Variants in GABRB1 observed in about 807,000 individuals in gnomAD.
GABRB1 encodes gamma-aminobutyric acid receptor subunit beta-1.
In GABRB1, 17 loss-of-function variants were observed where a neutral mutation model predicts 51.6. The ratio of observed to expected loss-of-function variants is 0.33; its 90% CI spans 0.23 to 0.49. The LOEUF is 0.49. GABRB1 is among the 20% of genes least tolerant of loss of function. The pLI, the probability that GABRB1 is intolerant of heterozygous loss-of-function variation, is 0.99. For synonymous variants in GABRB1, 247 were observed against 218.9 expected, an observed-to-expected ratio of 1.13 and a Z score of -1.14; for missense variants, 410 against 600.6, an observed-to-expected ratio of 0.68 and a Z score of 3.32.
rs149128774 is a variant in GABRB1, at chr4:47,187,584, A to C, written c.461+26115A>C. On this transcript the variant is annotated intron_variant, in intron 4 of 8. Transcript: ENST00000295454. ...CACAATTTAGCGTGAAATTATATGG[A>C]TCCTCCCATGCCGACTCCCTCCGAG... Among the ~76,000 whole-genome samples the C allele has an allele frequency of 7.5e-3, 1,133 of 151,862 alleles. 6 individuals are homozygous for C. Among genetic ancestry groups the C allele is most frequent in the Middle Eastern group, 0.061 (18 of 294 alleles).
At chr4:47,136,398 T>G (rs1716653730) in intron 3 of GABRB1, among the ~76,000 whole-genome samples, 1 of 152,074 alleles carries the variant, frequency 6.6e-6, no homozygotes. Context: ...AAGATTACCT[T>G]GATTGACTTG....
intron 4 of GABRB1, among the ~76,000 whole-genome samples, chr4:47,163,843 G>C (rs970137078): frequency 5.3e-5 from 8 of 151,994 alleles, no homozygotes; most frequent in African/African-American, 1.7e-4. Flanking sequence ...GGATGAAACT[G>C]TTCCTAAATT....
At chr4:47,361,516 G>A (rs1726804846) in intron 5 of GABRB1, among the ~76,000 whole-genome samples, 1 of 152,104 alleles carries the variant, frequency 6.6e-6, no homozygotes, top group Admixed American at 6.6e-5. Context: ...ACTTAGGCAA[G>A]AGGTAAAGTG....
At chr4:47,404,530 T>C (rs1291196621) in intron 7 of GABRB1, among the ~76,000 whole-genome samples, 1 of 112,164 alleles carries the variant, frequency 8.9e-6, no homozygotes, top group Non-Finnish European at 1.9e-5. Flanking sequence ...CACACACACA[T>C]CATTTCTGGC....
intron 8 of GABRB1, among the ~76,000 whole-genome samples, chr4:47,420,943 A>C (rs373756693): frequency 4.3e-5 from 6 of 141,072 alleles, no homozygotes; most frequent in African/African-American, 1.6e-4. Flanking sequence ...TACACACACA[A>C]ACACACACAC....
chr4:47,316,975 G>A (rs2109959342), intron 4 of GABRB1, among the ~76,000 whole-genome samples: 1 of 151,970 alleles, frequency 6.6e-6, no homozygotes, highest in South Asian at 2.1e-4. Flanking sequence ...GAACTTACAA[G>A]GTGATTTTAT....
At chr4:47,031,396 G>A, upstream of GABRB1, 1 of 533,294 alleles carries the variant, frequency 1.9e-6, no homozygotes, top group Non-Finnish European at 3.3e-6. Flanking sequence ...CATGCTCGTA[G>A]GATCCCCTGC....
chr4:47,302,047 A>T (rs1305691045), intron 4 of GABRB1, among the ~76,000 whole-genome samples: 3 of 152,170 alleles, frequency 2.0e-5, no homozygotes, highest in Non-Finnish European at 4.4e-5. Context: ...AAAGAAATGT[A>T]GAGTGTTTAT....
At chr4:47,035,316 A>G (rs778229931) in intron 3 of GABRB1, among the ~76,000 whole-genome samples, 3 of 152,088 alleles carry the variant, frequency 2.0e-5, no homozygotes, top group Non-Finnish European at 4.4e-5. Context: ...ATTTTTCACA[A>G]ATTAAGAAAC....
intron 5 of GABRB1, among the ~76,000 whole-genome samples, chr4:47,401,617 C>G (rs1461146641): frequency 6.6e-6 from 1 of 152,186 alleles, no homozygotes; most frequent in African/African-American, 2.4e-5. Context: ...CTCACATTCC[C>G]CAGATACTAC....
At chr4:47,219,298 G>T (rs755859847) in intron 4 of GABRB1, among the ~76,000 whole-genome samples, 1 of 151,852 alleles carries the variant, frequency 6.6e-6, no homozygotes, top group Non-Finnish European at 1.5e-5. Flanking sequence ...TGAGATAGTC[G>T]CATAAGCCTT....
At chr4:47,111,910 T>C (rs1715229153) in intron 3 of GABRB1, among the ~76,000 whole-genome samples, 1 of 152,126 alleles carries the variant, frequency 6.6e-6, no homozygotes, top group Non-Finnish European at 1.5e-5. Context: ...TTAAATATCA[T>C]TTGACACATT....
At chr4:47,374,067 C>T (rs1727298541) in intron 5 of GABRB1, among the ~76,000 whole-genome samples, 2 of 152,120 alleles carry the variant, frequency 1.3e-5, no homozygotes, top group South Asian at 4.1e-4. Flanking sequence ...CCATGCAAAG[C>T]CCTTGAGAAT....
intron 4 of GABRB1, among the ~76,000 whole-genome samples, chr4:47,296,774 A>G (rs1329588813): frequency 1.3e-5 from 2 of 152,316 alleles, no homozygotes; most frequent in East Asian, 3.9e-4. Flanking sequence ...AGACATCTAC[A>G]AAATTCTCCA....
intron 4 of GABRB1, among the ~76,000 whole-genome samples, chr4:47,250,719 C>T (rs1721955411): frequency 6.6e-6 from 1 of 152,100 alleles, no homozygotes; most frequent in African/African-American, 2.4e-5. Context: ...CTCTGAATTT[C>T]TTCATTCTAC....
intron 3 of GABRB1, among the ~76,000 whole-genome samples, chr4:47,093,150 C>T (rs1405357619): frequency 6.6e-6 from 1 of 152,122 alleles, no homozygotes; most frequent in Non-Finnish European, 1.5e-5. Flanking sequence ...TACCATTAGA[C>T]TGAAGAATAC....
At chr4:47,218,986 G>A (rs939477139) in intron 4 of GABRB1, among the ~76,000 whole-genome samples, 1 of 151,784 alleles carries the variant, frequency 6.6e-6, no homozygotes, top group East Asian at 1.9e-4. Flanking sequence ...AATGTAGAAA[G>A]TGTGGTCTAT....
chr4:47,224,316 A>T (rs561225673), intron 4 of GABRB1, among the ~76,000 whole-genome samples: 10 of 151,418 alleles, frequency 6.6e-5, no homozygotes, highest in East Asian at 1.9e-4. Flanking sequence ...TATATATATA[A>T]AATCTGGCAT....
At chr4:47,346,404 T>C (rs139886787) in intron 5 of GABRB1, among the ~76,000 whole-genome samples, 6 of 152,160 alleles carry the variant, frequency 3.9e-5, no homozygotes, top group African/African-American at 1.4e-4. Flanking sequence ...CAATCAAGTA[T>C]CTATTATGAT....
Sources: gnomAD v4.1 joint callset for allele counts (sites outside exome capture counted in the v4.1 genomes callset) on GRCh38, gnomAD v4.1.1 for gene constraint, MANE v1.5 for transcripts, NCBI Gene and HGNC (gene_info 2026-07-23, HGNC 2026-07-21) for gene names.